The following MED12L variants were observed in gnomAD, a reference collection of about 807,000 sequenced individuals.
MED12L encodes mediator of RNA polymerase II transcription subunit 12-like protein.
A neutral mutation model predicts 281.3 loss-of-function variants in MED12L; 60 were observed. The ratio of observed to expected loss-of-function variants is 0.21; its 90% confidence interval spans 0.17 to 0.26. The LOEUF is 0.26. Ranked by LOEUF, MED12L falls within the 10% of genes least tolerant of loss-of-function variation. MED12L has a pLI of 1.00. For missense variants in MED12L, 2,146 were observed against 2,680.9 expected, an observed-to-expected ratio of 0.80 and a Z score of 4.41; for synonymous variants, 974 against 987.2, an observed-to-expected ratio of 0.99 and a Z score of 0.25.
At chr3:151,154,079 A>C (rs1718942210) in intron 5 of MED12L, among the ~76,000 whole-genome samples, 4 of 152,160 alleles carry the variant, frequency 2.6e-5, no homozygotes, top group Admixed American at 1.3e-4. Context: ...TCTAGTCGTG[A>C]ATAATTATAA....
chr3:151,422,081 G>A (rs561737433), intron 43 of MED12L, among the ~76,000 whole-genome samples: 2 of 152,308 alleles, frequency 1.3e-5, no homozygotes, highest in South Asian at 4.1e-4. Context: ...TTGCAGTCGT[G>A]TGTGTGGTGG....
At chr3:151,238,080 G>A (rs940030592) in intron 16 of MED12L, among the ~76,000 whole-genome samples, 8 of 152,080 alleles carry the variant, frequency 5.3e-5, no homozygotes, top group Admixed American at 4.6e-4. Context: ...TCTAACTAGT[G>A]CTTTTTGTAT....
At chr3:151,350,241 T>G in intron 17 of MED12L, 35 bp downstream of exon 17, 1 of 1,602,810 alleles carries the variant, frequency 6.2e-7, no homozygotes, top group East Asian at 2.2e-5. Context: ...CCCATTGTGT[T>G]GCCTTTTGCC....
chr3:151,403,026 C>T (rs867702757), intron 39 of MED12L, among the ~76,000 whole-genome samples: 2 of 145,498 alleles, frequency 1.4e-5, no homozygotes, highest in Middle Eastern at 3.5e-3. Flanking sequence ...TTTCTTTTTT[C>T]TTTTTTTTTT....
At chr3:151,376,259 C>T (rs772343053) in intron 28 of MED12L, 45 bp downstream of exon 28, 37 of 1,321,844 alleles carry the variant, frequency 2.8e-5, no homozygotes, top group East Asian at 1.1e-4. Flanking sequence ...ATAAATTCTT[C>T]GTAATAATAA....
chr3:151,366,623 G>T (rs1755311508), intron 23 of MED12L, among the ~76,000 whole-genome samples: 1 of 152,074 alleles, frequency 6.6e-6, no homozygotes, highest in Non-Finnish European at 1.5e-5. Flanking sequence ...TATTGGAGTA[G>T]TCTTTGTCGT....
chr3:151,188,216 C>T (rs1275503216), intron 12 of MED12L, 138 bp from the exon 13 acceptor site: 1 of 590,644 alleles, frequency 1.7e-6, no homozygotes, highest in Non-Finnish European at 2.8e-6. Context: ...TGCATGGTCC[C>T]TTAAATAAGT....
At chr3:151,264,708 A>G (rs1003868262) in intron 16 of MED12L, among the ~76,000 whole-genome samples, 2 of 152,188 alleles carry the variant, frequency 1.3e-5, no homozygotes, top group African/African-American at 4.8e-5. Context: ...AGCTGCAAGA[A>G]GGAGCTCTAA....
intron 16 of MED12L, among the ~76,000 whole-genome samples, chr3:151,348,356 A>G (rs907978379): frequency 4.3e-5 from 3 of 69,044 alleles, no homozygotes; most frequent in African/African-American, 1.1e-4. Context: ...AAAAAAAAAA[A>G]AAAAAAAGAA....
At chr3:151,181,619 T>C in intron 11 of MED12L, among the ~76,000 whole-genome samples, 1 of 134,206 alleles carries the variant, frequency 7.5e-6, no homozygotes. Flanking sequence ...GGAGTCTCAC[T>C]CTGCTGCCCA....
At chr3:151,146,397 G>C (rs1717766360) in intron 5 of MED12L, among the ~76,000 whole-genome samples, 1 of 152,082 alleles carries the variant, frequency 6.6e-6, no homozygotes, top group African/African-American at 2.4e-5. Context: ...TGGGTCTCAG[G>C]GTACAATGGA....
chr3:151,384,424 A>G (rs180804986), intron 35 of MED12L, among the ~76,000 whole-genome samples: 2 of 152,382 alleles, frequency 1.3e-5, no homozygotes, highest in Non-Finnish European at 2.9e-5. Context: ...AAACAATTAC[A>G]TTATAAAACA....
intron 16 of MED12L, chr3:151,294,992 A>T: frequency 1.2e-6 from 2 of 1,613,800 alleles, no homozygotes; most frequent in Non-Finnish European, 1.7e-6. Flanking sequence ...GAGGTCTGCA[A>T]CCACTATGTT....
At chr3:151,381,214 C>T (rs1712275933) in intron 32 of MED12L, among the ~76,000 whole-genome samples, 1 of 152,126 alleles carries the variant, frequency 6.6e-6, no homozygotes, top group South Asian at 2.1e-4. Flanking sequence ...TCTATGACAC[C>T]ATGTCTTTCC....
At chr3:151,295,764 G>C (rs914334749) in intron 16 of MED12L, among the ~76,000 whole-genome samples, 2 of 152,092 alleles carry the variant, frequency 1.3e-5, no homozygotes, top group African/African-American at 4.8e-5. Context: ...AGATATTTTA[G>C]GGATCATTGA....
rs199627240 is a variant in MED12L, at chr3:151,334,195, TC to T, written c.2251-15863del. On this transcript the variant is annotated intron_variant, in intron 16 of 44. Transcript: ENST00000687756. ...GTTATGTGTTTTTTCTTTCTTTCTT[TC>T]TTTTTTTTTTTGCCATTTCTATTTC... 6.1e-4 allele frequency among the ~76,000 whole-genome samples: 87 copies of T among 143,282 alleles called. 2 individuals carry two copies. Among genetic ancestry groups the T allele is most frequent in the African/African-American group, 7.7e-4 (30 of 38,758 alleles). 94.0% of individuals were successfully genotyped at this position (143,282 alleles called of 152,430 possible).
chr3:151,360,909 T>C (rs924510403), intron 21 of MED12L, among the ~76,000 whole-genome samples: 1 of 152,162 alleles, frequency 6.6e-6, no homozygotes, highest in Non-Finnish European at 1.5e-5. Flanking sequence ...TTACATTTTC[T>C]ATATGTTGTA....
At chr3:151,294,509 C>A (rs764492925) in intron 16 of MED12L, 1 of 1,614,146 alleles carries the variant, frequency 6.2e-7, no homozygotes, top group Non-Finnish European at 8.5e-7. Context: ...TTTTCGCTTT[C>A]GGCTTGACTG....
intron 16 of MED12L, chr3:151,294,465 A>T (rs759547383): frequency 1.2e-6 from 2 of 1,614,224 alleles, no homozygotes; most frequent in South Asian, 2.2e-5. Context: ...CAGGTAAAAA[A>T]CACAGCCACA....
Sources: gnomAD v4.1 joint callset for allele counts (sites outside exome capture counted in the v4.1 genomes callset) on GRCh38, gnomAD v4.1.1 for gene constraint, MANE v1.5 for transcripts, NCBI Gene and HGNC (gene_info 2026-07-23, HGNC 2026-07-21) for gene names.